Variants in ZNF804B observed in about 807,000 individuals in gnomAD.
ZNF804B encodes the protein zinc finger 804B.
A neutral mutation model predicts 101.4 loss-of-function variants in ZNF804B; 80 were observed. The ratio of observed to expected loss-of-function variants is 0.79; its 90% CI spans 0.66 to 0.95. The LOEUF is 0.95. ZNF804B is among the 40% of genes least tolerant of loss of function. The pLI is 0.00. For synonymous variants in ZNF804B, 622 were observed against 558.8 expected (o/e 1.11, Z -1.59); for missense variants, 1,673 against 1,561.9 (o/e 1.07, Z -1.20).
At chr7:88,918,789 T>G (rs922130018) in intron 1 of ZNF804B, among the ~76,000 whole-genome samples, 2 of 152,118 alleles carry the variant, frequency 1.3e-5, no homozygotes, top group Non-Finnish European at 2.9e-5. Flanking sequence ...GGACGATAGA[T>G]TCTTCCTGAT....
At chr7:88,980,031 T>C (rs1793674625) in intron 1 of ZNF804B, among the ~76,000 whole-genome samples, 1 of 151,854 alleles carries the variant, frequency 6.6e-6, no homozygotes, top group South Asian at 2.1e-4. Context: ...AGTATATAAG[T>C]TGGATTTTTC....
intron 1 of ZNF804B, among the ~76,000 whole-genome samples, chr7:89,128,025 T>C (rs1172644990): frequency 6.6e-6 from 1 of 151,886 alleles, no homozygotes; most frequent in East Asian, 1.9e-4. Flanking sequence ...AGTACTTTTG[T>C]AGGTATTTTT....
intron 1 of ZNF804B, among the ~76,000 whole-genome samples, chr7:89,091,604 C>G (rs970263370): frequency 2.0e-5 from 3 of 152,010 alleles, no homozygotes; most frequent in African/African-American, 7.2e-5. Context: ...GCATTTGATT[C>G]CTGAGGATTT....
chr7:89,042,548 A>G (rs1367137679), intron 1 of ZNF804B, among the ~76,000 whole-genome samples: 3 of 152,170 alleles, frequency 2.0e-5, no homozygotes, highest in East Asian at 1.9e-4. Context: ...TTCTAATGAT[A>G]TGTAAACTTT....
At chr7:89,137,273 C>T (rs1790651714) in intron 1 of ZNF804B, among the ~76,000 whole-genome samples, 1 of 151,974 alleles carries the variant, frequency 6.6e-6, no homozygotes, top group Non-Finnish European at 1.5e-5. Flanking sequence ...TTTCATTTTA[C>T]TTTCACAGTC....
rs1427111610 is a variant in ZNF804B at position 89,336,074 on chromosome 7, T to C, written c.3092T>C (p.Ile1031Thr). 1.2e-6 allele frequency: 2 copies of C among 1,614,000 alleles called. No homozygotes were observed. The highest frequency in any genetic ancestry group is 4.5e-5 in the East Asian group (2 of 44,858). Residue 1031 changes from isoleucine (I) to threonine (T), a missense_variant, in exon 4 of 4, where the codon ATT becomes ACT. By Grantham distance (89) the Ile-to-Thr change is moderately conservative. Transcript: ENST00000333190. ...DCDNHLSKGI[I>T]HLVTESQSLN... ...GATAACCATCTTTCTAAAGGTATAA[T>C]TCACCTAGTAACAGAGTCTCAGTCA...
intron 1 of ZNF804B, among the ~76,000 whole-genome samples, chr7:89,183,749 A>T (rs753877463): frequency 6.6e-6 from 1 of 152,216 alleles, no homozygotes; most frequent in Non-Finnish European, 1.5e-5. Flanking sequence ...GAAGAAAAAT[A>T]TGAAGTCAGT....
chr7:89,273,011 A>T (rs999887094), intron 2 of ZNF804B, among the ~76,000 whole-genome samples: 1 of 152,132 alleles, frequency 6.6e-6, no homozygotes, highest in Non-Finnish European at 1.5e-5. Context: ...TTAAAAATAA[A>T]CAGTTGTTTT....
intron 1 of ZNF804B, among the ~76,000 whole-genome samples, chr7:88,989,531 A>G (rs937107857): frequency 4.3e-4 from 66 of 152,034 alleles, no homozygotes; most frequent in African/African-American, 1.5e-3. Context: ...TGCTCTAACC[A>G]AAGGCCTCAG....
At position 89,327,521 on chromosome 7, in the gene ZNF804B, A is replaced by G. The variant is rs773060552; in HGVS notation, c.380+47A>G. 3.8e-6 allele frequency: 6 copies of G among 1,581,428 alleles called. No individual in the cohort carries two copies. The East Asian group carries it at 9.2e-5, about 24-fold the overall frequency. ...GATGCTTCAAAACTCTCGTCAACCT[A>G]TGGGGAAATTTTAAAGGCAAATCTA... On this transcript the variant is annotated intron_variant, in intron 3 of 3. Transcript: ENST00000333190.
At chr7:89,064,087 G>A (rs1789416696) in intron 1 of ZNF804B, among the ~76,000 whole-genome samples, 1 of 152,088 alleles carries the variant, frequency 6.6e-6, no homozygotes, top group Non-Finnish European at 1.5e-5. Flanking sequence ...AGCTGAAGCA[G>A]GATTGGGCAG....
chr7:88,860,940 G>A (rs1481259418), intron 1 of ZNF804B, among the ~76,000 whole-genome samples: 1 of 152,102 alleles, frequency 6.6e-6, no homozygotes, highest in Non-Finnish European at 1.5e-5. Context: ...GGCAAAGTAA[G>A]TTATTATTCC....
chr7:88,762,409 C>A (rs1307193589), intron 1 of ZNF804B, among the ~76,000 whole-genome samples: 1 of 152,122 alleles, frequency 6.6e-6, no homozygotes, highest in East Asian at 1.9e-4. Flanking sequence ...TAACACTTAG[C>A]CTTTCTCCCT....
intron 1 of ZNF804B, among the ~76,000 whole-genome samples, chr7:89,119,933 C>G (rs1329452223): frequency 6.6e-6 from 1 of 151,392 alleles, no homozygotes; most frequent in Non-Finnish European, 1.5e-5. Context: ...GGGTTGAGTT[C>G]CTTTGACTTG....
At chr7:89,285,251 G>A (rs549914417) in intron 2 of ZNF804B, among the ~76,000 whole-genome samples, 167 of 151,688 alleles carry the variant, frequency 1.1e-3, no homozygotes, top group Non-Finnish European at 1.9e-3. Flanking sequence ...GGCTGGGCAC[G>A]GTGGCTCACG....
chr7:89,130,506 G>C (rs530496696), intron 1 of ZNF804B, among the ~76,000 whole-genome samples: 4 of 151,920 alleles, frequency 2.6e-5, no homozygotes, highest in Non-Finnish European at 5.9e-5. Context: ...AACCACTCCA[G>C]CTCCATGAAA....
At chr7:89,269,252 C>G (rs1036091153) in intron 2 of ZNF804B, among the ~76,000 whole-genome samples, 4 of 152,060 alleles carry the variant, frequency 2.6e-5, no homozygotes, top group African/African-American at 9.7e-5. Flanking sequence ...TGTGATGTTC[C>G]CCTTCCTGTG....
At chr7:89,098,087 G>A (rs1465016723) in intron 1 of ZNF804B, among the ~76,000 whole-genome samples, 1 of 151,992 alleles carries the variant, frequency 6.6e-6, no homozygotes, top group Non-Finnish European at 1.5e-5. Context: ...TTTCTTTAAG[G>A]TAGGAACAAT....
chr7:89,244,130 G>A (rs1171837018), intron 2 of ZNF804B, among the ~76,000 whole-genome samples: 1 of 151,926 alleles, frequency 6.6e-6, no homozygotes, highest in Non-Finnish European at 1.5e-5. Context: ...TAATTATGTA[G>A]ATAATGTAAA....
Sources: gnomAD v4.1 joint callset for allele counts (sites outside exome capture counted in the v4.1 genomes callset) on GRCh38, gnomAD v4.1.1 for gene constraint, MANE v1.5 for transcripts, NCBI Gene and HGNC (gene_info 2026-07-23, HGNC 2026-07-21) for gene names.